DCTN1: variants seen among roughly 807,000 people sequenced by gnomAD.
The protein encoded by DCTN1 is dynactin subunit 1.
A neutral mutation model predicts 161.2 loss-of-function variants in DCTN1; 61 were observed. That is an observed-to-expected ratio of 0.38 (90% confidence interval 0.31 to 0.47). The LOEUF (loss-of-function observed/expected upper bound fraction) is 0.47. DCTN1 is among the 20% of genes least tolerant of loss of function. The pLI is 0.99. For synonymous variants in DCTN1, 653 were observed against 632.4 expected, an observed-to-expected ratio of 1.03 and a Z score of -0.49; for missense variants, 1,404 against 1,623.7, an observed-to-expected ratio of 0.86 and a Z score of 2.33.
chr2:74,378,700 C>G (rs1327872410), intron 1 of DCTN1, among the ~76,000 whole-genome samples: 1 of 152,182 alleles, frequency 6.6e-6, no homozygotes, highest in Non-Finnish European at 1.5e-5. Context: ...CCTGTTTCCC[C>G]TTCCACTGTC....
chr2:74,386,181 G>A (rs1675721108), intron 1 of DCTN1, among the ~76,000 whole-genome samples: 1 of 152,206 alleles, frequency 6.6e-6, no homozygotes, highest in African/African-American at 2.4e-5. Flanking sequence ...GGCATGGTAA[G>A]ATTCCCTCCT....
At position 74,362,687 on chromosome 2, in the gene DCTN1, T is replaced by A. The variant is rs1217867427; in HGVS notation, c.3572A>T (p.Gln1191Leu). 6.2e-7 allele frequency: 1 copy of A among 1,614,056 alleles called. No individual in the cohort carries two copies. Among genetic ancestry groups the A allele is most frequent in the East Asian group, 2.2e-5 (1 of 44,876 alleles). Residue 1191 changes from glutamine (Q) to leucine (L), a missense_variant, in exon 30 of 32, where the codon CAG becomes CTG. Gln to Leu is a moderately radical substitution (Grantham distance 113, BLOSUM62 -2). This residue lies in a region of DCTN1 where 311 missense variants were observed against 298.9 expected (regional missense o/e 1.04). Transcript: ENST00000628224. ...PSAQLMEQVA[Q>L]LKSLSDTVEK... The stretch of plus-strand genomic sequence containing the variant: ...GACGGTGTCACTCAGGGACTTAAGC[T>A]GAGCCACTTGCTCCATAAGTTGGGC...
intron 26 of DCTN1, 62 bp from the exon 27 acceptor site, chr2:74,363,690 G>T (rs1243512617): frequency 1.2e-6 from 2 of 1,604,916 alleles, no homozygotes; most frequent in African/African-American, 2.7e-5. Flanking sequence ...GGTGATTTGG[G>T]GGTTACGGGG....
chr2:74,373,744 T>A (rs1472330088), intron 6 of DCTN1, among the ~76,000 whole-genome samples: 1 of 152,228 alleles, frequency 6.6e-6, no homozygotes, highest in Admixed American at 6.5e-5. Flanking sequence ...CTACCCAGTA[T>A]CTCACTGCTC....
intron 5 of DCTN1, chr2:74,374,718 C>T: frequency 8.5e-7 from 1 of 1,181,016 alleles, no homozygotes; most frequent in Non-Finnish European, 1.1e-6. Context: ...TCCTCTGCTC[C>T]ATGGGGGTGG....
rs1346330754 is a variant in DCTN1 at position 74,363,280 on chromosome 2, C to T, written c.3345+14G>A. Reference sequence around the variant, plus strand: ...CTCCATCTCCCATCCCAGTCCTCCCCGTGGCTCCCTCACCTTGAGGATGCT... The same window carrying T: ...CTCCATCTCCCATCCCAGTCCTCCCTGTGGCTCCCTCACCTTGAGGATGCT... On this transcript the variant is annotated intron_variant, in intron 28 of 31. Transcript: ENST00000628224. 17 of 1,613,970 alleles carry T rather than the reference C, an allele frequency of 1.1e-5. No homozygotes were observed. The South Asian group carries it at 1.1e-4, about 10-fold the overall frequency.
chr2:74,383,532 A>C (rs751368714), upstream of DCTN1, among the ~76,000 whole-genome samples: 1 of 152,248 alleles, frequency 6.6e-6, no homozygotes, highest in Non-Finnish European at 1.5e-5. Flanking sequence ...TGCAGGATGG[A>C]GTGCAGGCAG....
At position 74,361,322 on chromosome 2, in the gene DCTN1, G is replaced by A. The variant is rs770516270; in HGVS notation, c.*177C>T. ...ATGGCAGAGGCCAGGGAATGGGAGT[G>A]GGGGAACCCGGGTCAAGGTGAAGGG... On this transcript the variant is annotated 3_prime_UTR_variant, in exon 32 of 32. Coordinates refer to ENST00000628224, the MANE Select transcript of DCTN1 (RefSeq NM_004082.5). 74 of 878,592 alleles carry A rather than the reference G, an allele frequency of 8.4e-5. No homozygotes were observed. The highest frequency in any genetic ancestry group is 3.4e-4 in the Admixed American group (17 of 49,966). The allele number at this position is 878,592 out of a possible 1,614,324, so 54.4% of individuals were successfully genotyped here.
intron 1 of DCTN1, among the ~76,000 whole-genome samples, chr2:74,386,292 G>A (rs1675726017): frequency 6.6e-6 from 1 of 152,164 alleles, no homozygotes; most frequent in Non-Finnish European, 1.5e-5. Context: ...CATTTCTGCA[G>A]ACGTAAGAGA....
chr2:74,363,173 G>A lies in DCTN1; in HGVS notation c.3350C>T (p.Ala1117Val), dbSNP rs778710224. Residue 1117 changes from alanine (A) to valine (V), a missense_variant, in exon 29 of 32, where the codon GCC (alanine) becomes GTC (valine). Around this residue, in one of 9 missense-constraint regions of DCTN1, gnomAD observed 311 missense variants for 298.9 expected, o/e 1.04. Coordinates refer to ENST00000628224, the MANE Select transcript of DCTN1 (RefSeq NM_004082.5). ...LQHENSILKG[A>V]QMKASLASLP... ...GGATGCCAAGGATGCCTTCATCTGG[G>A]CTCCCTGTGGATGAAAAAAGAAGGA... The A allele has an allele frequency of 2.5e-6, 4 of 1,614,118 alleles. No homozygotes were observed. The highest frequency in any genetic ancestry group is 2.5e-6 in the Non-Finnish European group (3 of 1,180,006).
intron 26 of DCTN1, chr2:74,364,144 A>G (rs1259995163): frequency 5.6e-6 from 1 of 179,590 alleles, no homozygotes; most frequent in Non-Finnish European, 1.2e-5. Context: ...AAAGAGTGCT[A>G]ATGTTTGTTT....
chr2:74,371,054 C>T lies in DCTN1; in HGVS notation c.768G>A (p.Glu256=), dbSNP rs773860141. ...KELEKHKIQL[E]QVQEWKSKMQ... ...TTTTGCTCTTCCATTCCTGCACCTG[C>T]TCCAGCTGGATTTTGTGTTTCTCCA... Residue 256 remains glutamate (E), a synonymous_variant, in exon 9 of 32, where the codon GAG becomes GAA. Coordinates refer to ENST00000628224, the MANE Select transcript of DCTN1 (RefSeq NM_004082.5). The T allele has an allele frequency of 6.2e-7, 1 of 1,614,278 alleles. No homozygotes were observed. Among genetic ancestry groups the T allele is most frequent in the Admixed American group, 1.7e-5 (1 of 60,036 alleles).
rs1455644156 is a variant in DCTN1, at chr2:74,378,213, T to C, written c.66A>G (p.Ala22=). Reference sequence around the variant, plus strand: ...AGCCCACCCGCAGAGGCCGGGCGCTTGCCTCCGCACTCATCCTGCTGCCGC... The same window carrying C: ...AGCCCACCCGCAGAGGCCGGGCGCTCGCCTCCGCACTCATCCTGCTGCCGC... ...TPSGSRMSAE[A]SARPLRVGSR... The change falls in exon 2 of 32, where the codon GCA becomes GCG. Residue 22 remains alanine, a synonymous_variant. Coordinates refer to ENST00000628224, the MANE Select transcript of DCTN1 (RefSeq NM_004082.5). The C allele has an allele frequency of 1.9e-6, 3 of 1,611,286 alleles. No individual in the cohort carries two copies. The highest frequency in any genetic ancestry group is 2.5e-6 in the Non-Finnish European group (3 of 1,180,038).
At position 74,368,036 on chromosome 2, in the gene DCTN1, G is replaced by T; in HGVS notation, c.1950C>A (p.Leu650=). 6.2e-7 allele frequency: 1 copy of T among 1,614,118 alleles called. No individual in the cohort carries two copies. Among genetic ancestry groups the T allele is most frequent in the East Asian group, 2.2e-5 (1 of 44,876 alleles). Residue 650 remains leucine, a synonymous_variant, in exon 17 of 32, where the codon CTC becomes CTA. Coordinates refer to ENST00000628224, the MANE Select transcript of DCTN1 (RefSeq NM_004082.5). Reference sequence around the variant, plus strand: ...AGTACACCAGTCCAGCAGCAAAGCTGAGTTGCTCCCCAGCAGCTCCTCGCA... The same window carrying T: ...AGTACACCAGTCCAGCAGCAAAGCTTAGTTGCTCCCCAGCAGCTCCTCGCA... ...PGLRGAAGEQ[L]SFAAGLVYSL... is the part of the protein sequence containing the mutation.
At chr2:74,365,383 G>T in intron 25 of DCTN1, 132 bp downstream of exon 25, 1 of 1,548,844 alleles carries the variant, frequency 6.5e-7, no homozygotes, top group Non-Finnish European at 8.8e-7. Context: ...GTGATGCAAT[G>T]GGGTTGGCAG....
chr2:74,373,212 C>A, intron 6 of DCTN1: 1 of 542,106 alleles, frequency 1.8e-6, no homozygotes. Flanking sequence ...TCAGACACCC[C>A]AGAAATCCCA....
Position 74,370,321 on chromosome 2 carries a change from C to T in DCTN1, c.1152G>A (p.Glu384=), listed in dbSNP as rs764090449. The change falls in exon 12 of 32, where the codon GAG becomes GAA. Residue 384 remains glutamate (E), a synonymous_variant. Transcript: ENST00000628224. The surrounding 1 kb of genome is among the most constrained non-coding windows in gnomAD (Gnocchi z 4.4). ...TCTGGAGCTTCACATGCTCCTGCTT[C>T]TCTGAGGAAGAAAGATCCCGCATCC... ...LVRMRDLSSS[E]KQEHVKLQKL... is the part of the protein sequence containing the mutation. 2 of 1,613,940 alleles carry T rather than the reference C, an allele frequency of 1.2e-6. No individual in the cohort carries two copies. Among genetic ancestry groups the T allele is most frequent in the African/African-American group, 2.7e-5 (2 of 74,930 alleles).
intron 21 of DCTN1, 27 bp from the exon 22 acceptor site, chr2:74,366,647 C>T (rs1355372112): frequency 2.5e-6 from 4 of 1,612,820 alleles, no homozygotes; most frequent in African/African-American, 2.7e-5. Flanking sequence ...AGTCAGGAGT[C>T]AACCCTGGGT....
rs1674138994 is a variant in DCTN1, at chr2:74,363,116, T to C, written c.3407A>G (p.His1136Arg). Residue 1136 changes from histidine (H) to arginine (R), a missense_variant, in exon 29 of 32, where the codon CAT becomes CGT. This residue lies in a region of DCTN1 where 311 missense variants were observed against 298.9 expected (regional missense o/e 1.04). Coordinates refer to ENST00000628224, the MANE Select transcript of DCTN1 (RefSeq NM_004082.5). ...TGGTAACTCACTGCCAGGGCCCTCA[T>C]GGGATAGCTTTGCAACATGCAGAGG... ...LPPLHVAKLS[H>R]EGPGSELPAG... The C allele has an allele frequency of 1.2e-6, 2 of 1,613,906 alleles. No individual in the cohort carries two copies. The highest frequency in any genetic ancestry group is 1.7e-6 in the Non-Finnish European group (2 of 1,179,906).
Sources: allele counts gnomAD v4.1 joint callset (sites outside exome capture counted in the v4.1 genomes callset), GRCh38; gene constraint gnomAD v4.1.1; regional missense constraint gnomAD v4.1.1; non-coding constraint Gnocchi (gnomAD v3.1); transcripts MANE v1.5; gene names NCBI Gene and HGNC (gene_info 2026-07-23, HGNC 2026-07-21).